Variants in NFATC3 observed in about 807,000 individuals in gnomAD.
NFATC3 encodes nuclear factor of activated T-cells, cytoplasmic 3.
NFATC3 carries 46 observed loss-of-function variants against 98.6 expected under a neutral mutation model. The observed-to-expected ratio is 0.47, with a 90% CI of 0.37 to 0.60. The LOEUF (loss-of-function observed/expected upper bound fraction) is 0.60. NFATC3 is among the 20% of genes least tolerant of loss of function. NFATC3 has a pLI of 0.00. For missense variants in NFATC3, 1,256 were observed against 1,295.5 expected (o/e 0.97, Z 0.47); for synonymous variants, 512 against 472.2 (o/e 1.08, Z -1.09).
intron 9 of NFATC3, among the ~76,000 whole-genome samples, chr16:68,217,464 C>CAAAAAAA (rs68079157): frequency 2.0e-4 from 9 of 44,960 alleles, no homozygotes; most frequent in Non-Finnish European, 3.8e-4. Context: ...GTCTCTGTCT[C>CAAAAAAA]AAAAAAAAAA....
At chr16:68,101,637 C>T (rs541107891) in intron 1 of NFATC3, among the ~76,000 whole-genome samples, 2 of 152,004 alleles carry the variant, frequency 1.3e-5, no homozygotes, top group Non-Finnish European at 2.9e-5. Context: ...GCGCCTGCCA[C>T]CACGCCTGGC....
intron 3 of NFATC3, among the ~76,000 whole-genome samples, chr16:68,127,841 C>A (rs557916151): frequency 1.1e-4 from 16 of 152,158 alleles, no homozygotes; most frequent in Non-Finnish European, 2.4e-4. Flanking sequence ...CTTAAACTTC[C>A]TTCCCCTTTT....
At chr16:68,203,613 A>G (rs2041019159) in intron 9 of NFATC3, among the ~76,000 whole-genome samples, 1 of 152,218 alleles carries the variant, frequency 6.6e-6, no homozygotes, top group Non-Finnish European at 1.5e-5. Flanking sequence ...AACTTGGGCG[A>G]CAGAGTGAGA....
chr16:68,204,358 T>C (rs752729459), intron 9 of NFATC3, among the ~76,000 whole-genome samples: 9 of 152,212 alleles, frequency 5.9e-5, no homozygotes, highest in Non-Finnish European at 1.2e-4. Context: ...TGATACTCTG[T>C]CTCAAAAATA....
At chr16:68,169,777 C>T (rs936268092) in intron 5 of NFATC3, among the ~76,000 whole-genome samples, 2 of 151,748 alleles carry the variant, frequency 1.3e-5, no homozygotes, top group Admixed American at 6.6e-5. Context: ...CCTGTCTCTG[C>T]GAAAAATACA....
chr16:68,216,910 G>C (rs2041662926), intron 9 of NFATC3, among the ~76,000 whole-genome samples: 1 of 152,126 alleles, frequency 6.6e-6, no homozygotes, highest in East Asian at 1.9e-4. Flanking sequence ...GGGAAAAAAG[G>C]TATAATAATT....
chr16:68,119,709 GCCT>G (rs2057315181), intron 1 of NFATC3, among the ~76,000 whole-genome samples: 1 of 151,986 alleles, frequency 6.6e-6, no homozygotes, highest in African/African-American at 2.4e-5. Context: ...TAACATCTTT[GCCT>G]CCTCTATATT....
chr16:68,203,879 C>T (rs1337034885), intron 9 of NFATC3, among the ~76,000 whole-genome samples: 3 of 151,964 alleles, frequency 2.0e-5, no homozygotes, highest in African/African-American at 4.8e-5. Flanking sequence ...GGTGAAACTT[C>T]GTCTCTACTA....
intron 3 of NFATC3, among the ~76,000 whole-genome samples, chr16:68,151,806 C>T (rs1420221226): frequency 3.3e-5 from 5 of 152,140 alleles, no homozygotes; most frequent in South Asian, 4.1e-4. Context: ...CAGTGGCTCA[C>T]GCCTGTAATC....
At chr16:68,220,848 G>T (rs2041838339) in intron 9 of NFATC3, among the ~76,000 whole-genome samples, 1 of 151,846 alleles carries the variant, frequency 6.6e-6, no homozygotes, top group Non-Finnish European at 1.5e-5. Context: ...GAACTTGGGA[G>T]GCGGAGCTTG....
chr16:68,179,223 C>A (rs968633848), intron 6 of NFATC3, among the ~76,000 whole-genome samples: 1 of 152,126 alleles, frequency 6.6e-6, no homozygotes, highest in African/African-American at 2.4e-5. Flanking sequence ...GGTTGAAGAC[C>A]CTGATCCCTG....
intron 1 of NFATC3, chr16:68,086,022 G>T: frequency 2.4e-6 from 1 of 416,384 alleles, no homozygotes; most frequent in Non-Finnish European, 4.3e-6. Context: ...ACTCGACTCC[G>T]GGACGATCGG....
chr16:68,124,118 G>GT (rs1268514281), intron 2 of NFATC3, among the ~76,000 whole-genome samples: 4 of 152,064 alleles, frequency 2.6e-5, no homozygotes, highest in Middle Eastern at 3.4e-3. Flanking sequence ...TTTTTGTTTT[G>GT]TTTTTTGAGA....
At chr16:68,174,974 ATATT>A (rs2039619844) in intron 6 of NFATC3, among the ~76,000 whole-genome samples, 1 of 152,274 alleles carries the variant, frequency 6.6e-6, no homozygotes, top group East Asian at 1.9e-4. Flanking sequence ...TTAGAGACAA[ATATT>A]TATAGCAACT....
At chr16:68,143,256 A>G (rs1406056093) in intron 3 of NFATC3, among the ~76,000 whole-genome samples, 2 of 151,386 alleles carry the variant, frequency 1.3e-5, no homozygotes, top group Non-Finnish European at 2.9e-5. Context: ...CTATATAGTT[A>G]TAAAATTGGG....
intron 9 of NFATC3, among the ~76,000 whole-genome samples, chr16:68,211,564 C>G (rs891643981): frequency 1.3e-5 from 2 of 150,976 alleles, no homozygotes; most frequent in Admixed American, 1.3e-4. Flanking sequence ...ACCCTGTTGC[C>G]CAGTCTGGAG....
intron 9 of NFATC3, among the ~76,000 whole-genome samples, chr16:68,216,588 T>C (rs1478649863): frequency 1.3e-5 from 2 of 151,890 alleles, no homozygotes; most frequent in Admixed American, 6.6e-5. Flanking sequence ...CTGGAGTGCA[T>C]TGGCATCATA....
Position 68,162,924 on chromosome 16 carries a change from C to T in NFATC3, c.1602-3919C>T, listed in dbSNP as rs112858299. Among the ~76,000 whole-genome samples the T allele has an allele frequency of 2.8e-4, 41 of 146,396 alleles. 2 individuals carry two copies. In the South Asian group the frequency reaches 4.6e-3, roughly 16 times the overall value. On this transcript the variant is annotated intron_variant, in intron 4 of 9. Coordinates refer to ENST00000346183, the MANE Select transcript of NFATC3 (RefSeq NM_173165.3). Reference sequence around the variant, plus strand: ...CAGTGTTTGTGTCCCTGGGTACTTGCGATTAGGGAGTGGTGATGACTCTTA... The same window carrying T: ...CAGTGTTTGTGTCCCTGGGTACTTGTGATTAGGGAGTGGTGATGACTCTTA...
chr16:68,087,487 TTTTA>T (rs2034449614), intron 1 of NFATC3, among the ~76,000 whole-genome samples: 1 of 152,212 alleles, frequency 6.6e-6, no homozygotes, highest in Admixed American at 6.5e-5. Flanking sequence ...ACATCAGCAG[TTTTA>T]TTTGTCACAT....
Sources: gnomAD v4.1 joint callset for allele counts (sites outside exome capture counted in the v4.1 genomes callset) on GRCh38, gnomAD v4.1.1 for gene constraint, MANE v1.5 for transcripts, NCBI Gene and HGNC (gene_info 2026-07-23, HGNC 2026-07-21) for gene names.